HGF: variants seen among roughly 807,000 people sequenced by gnomAD.
The protein encoded by HGF is fibroblast-derived tumor cytotoxic factor.
HGF carries 39 observed loss-of-function variants against 111.6 expected under a neutral mutation model. The ratio of observed to expected loss-of-function variants is 0.35; its 90% CI spans 0.27 to 0.46. The LOEUF (loss-of-function observed/expected upper bound fraction) is 0.46. HGF is among the 20% of genes least tolerant of loss of function. The pLI, the probability that HGF is intolerant of heterozygous loss-of-function variation, is 1.00. For missense variants in HGF, 735 were observed against 910.5 expected, an observed-to-expected ratio of 0.81 and a Z score of 2.48; for synonymous variants, 285 against 294.8, an observed-to-expected ratio of 0.97 and a Z score of 0.34.
At chr7:81,763,165 G>T (rs1226310075) in intron 1 of HGF, among the ~76,000 whole-genome samples, 1 of 152,084 alleles carries the variant, frequency 6.6e-6, no homozygotes, top group African/African-American at 2.4e-5. Context: ...TAAATAACAT[G>T]ATATTTTCCA....
At chr7:81,764,790 T>A (rs1789277810) in intron 1 of HGF, among the ~76,000 whole-genome samples, 1 of 152,072 alleles carries the variant, frequency 6.6e-6, no homozygotes, top group African/African-American at 2.4e-5. Flanking sequence ...TTTCAAATTT[T>A]GATTTCTGTC....
At chr7:81,758,569 T>G (rs1443250554) in intron 3 of HGF, 123 bp downstream of exon 3, 1 of 673,002 alleles carries the variant, frequency 1.5e-6, no homozygotes, top group African/African-American at 1.8e-5. Flanking sequence ...ATGAATTGAC[T>G]ACATAAAATA....
chr7:81,769,401 A>G (rs896013218), intron 1 of HGF, among the ~76,000 whole-genome samples: 2 of 152,224 alleles, frequency 1.3e-5, no homozygotes. Context: ...CCTCAAAATG[A>G]AAACCTGTAC....
At chr7:81,757,128 T>C in intron 4 of HGF, 61 bp downstream of exon 4, 1 of 864,268 alleles carries the variant, frequency 1.2e-6, no homozygotes, top group Non-Finnish European at 2.0e-6. Flanking sequence ...AGGACTAATA[T>C]GAGACTGTTA....
intron 1 of HGF, among the ~76,000 whole-genome samples, chr7:81,766,690 C>T (rs1789374014): frequency 6.6e-6 from 1 of 152,158 alleles, no homozygotes; most frequent in Non-Finnish European, 1.5e-5. Context: ...TTTCTTCCTT[C>T]TCCTTTCCAG....
chr7:81,744,643 TTTG>T (rs1788154841), intron 6 of HGF, among the ~76,000 whole-genome samples: 1 of 152,110 alleles, frequency 6.6e-6, no homozygotes, highest in South Asian at 2.1e-4. Flanking sequence ...TTGCTTTGGT[TTTG>T]TTTTGTTTCT....
intron 5 of HGF, chr7:81,750,981 A>G (rs1788469736): frequency 1.0e-6 from 1 of 964,712 alleles, no homozygotes; most frequent in East Asian, 1.1e-4. Context: ...TATGGAATGG[A>G]AAGTAAGAAT....
At chr7:81,744,872 G>A (rs747408616) in intron 6 of HGF, 128 bp downstream of exon 6, 1 of 1,053,852 alleles carries the variant, frequency 9.5e-7, no homozygotes, top group African/African-American at 1.6e-5. Context: ...CATTCTGGGA[G>A]TTCTAAATGT....
chr7:81,752,189 C>T lies in HGF; in HGVS notation c.556G>A (p.Gly186Arg), dbSNP rs745308839. The part of the protein sequence containing the change: ...YCRNPRGEEG[G>R]PWCFTSNPEV... The stretch of plus-strand genomic sequence containing the variant: ...GGATTGCTTGTGAAACACCAGGGTC[C>T]CCCTTCTTCCCCTCGAGGATTTCGA... The change falls in exon 5 of 18, where the codon GGA (glycine) becomes AGA (arginine). Residue 186 changes from glycine to arginine, a missense_variant. Transcript: ENST00000222390. 3 of 1,613,384 alleles carry T rather than the reference C, an allele frequency of 1.9e-6. No individual in the cohort carries two copies. The highest frequency in any genetic ancestry group is 1.3e-5 in the African/African-American group (1 of 74,872).
At chr7:81,704,859 G>T (rs1250917346) in intron 17 of HGF, among the ~76,000 whole-genome samples, 1 of 151,784 alleles carries the variant, frequency 6.6e-6, no homozygotes, top group African/African-American at 2.4e-5. Context: ...CCTCACAAAT[G>T]AAATGTCCAA....
chr7:81,720,686 A>C, intron 10 of HGF, 59 bp downstream of exon 10: 1 of 926,922 alleles, frequency 1.1e-6, no homozygotes, highest in Non-Finnish European at 1.8e-6. Context: ...TACATATCTA[A>C]ATACACAGTC....
chr7:81,727,616 T>C (rs1328887531), intron 8 of HGF, among the ~76,000 whole-genome samples: 2 of 152,186 alleles, frequency 1.3e-5, no homozygotes, highest in African/African-American at 2.4e-5. Flanking sequence ...ATATGTGTGT[T>C]AAATTTTACA....
At chr7:81,704,873 C>T (rs1418294520) in intron 17 of HGF, among the ~76,000 whole-genome samples, 1 of 151,740 alleles carries the variant, frequency 6.6e-6, no homozygotes, top group Non-Finnish European at 1.5e-5. Context: ...TGTCCAAGCT[C>T]GTAAAGTCAC....
chr7:81,725,895 C>G lies in HGF; in HGVS notation c.1163G>C (p.Gly388Ala). 1 of 1,614,048 alleles carries G rather than the reference C, an allele frequency of 6.2e-7. No homozygotes were observed. ...TGCAGAATGTCAGCTATTACCTTGT[C>G]CATGTGACATATCACAGTTTGGAAT... ...SQIPNCDMSHGQDCYRGNGKN... is the reference protein window; with the variant it reads ...SQIPNCDMSHAQDCYRGNGKN... The change falls in exon 9 of 18, where the codon GGA becomes GCA. Residue 388 changes from glycine (G) to alanine (A), a missense_variant. Around this residue, in one of 3 missense-constraint regions of HGF, gnomAD observed 553 missense variants for 685.6 expected, o/e 0.81. Coordinates refer to ENST00000222390, the MANE Select transcript of HGF (RefSeq NM_000601.6).
intron 7 of HGF, among the ~76,000 whole-genome samples, chr7:81,738,289 CTAATA>C (rs1478172911): frequency 3.9e-5 from 6 of 151,946 alleles, no homozygotes; most frequent in South Asian, 4.1e-4. Flanking sequence ...AAGCAGGAAA[CTAATA>C]TATAGAACCA....
intron 7 of HGF, among the ~76,000 whole-genome samples, chr7:81,741,938 C>CAAAAAA (rs71520767): frequency 2.2e-4 from 10 of 46,278 alleles, no homozygotes; most frequent in South Asian, 1.5e-3. Context: ...AACTCCATCT[C>CAAAAAA]AAAAAAAAAA....
intron 7 of HGF, among the ~76,000 whole-genome samples, chr7:81,737,813 T>C (rs1479201877): frequency 6.6e-6 from 1 of 152,174 alleles, no homozygotes; most frequent in African/African-American, 2.4e-5. Context: ...CATGGATTCA[T>C]ATAATCCACA....
chr7:81,720,615 C>T lies in HGF; in HGVS notation c.1271+130G>A, dbSNP rs1467404022. On this transcript the variant is annotated intron_variant, in intron 10 of 17. Transcript: ENST00000222390. ...TGTTATGATGAGTTGTAAAGAAAAA[C>T]CAATCTAATGCTTTTATTAGCTTAC... The T allele has an allele frequency of 6.0e-6, 4 of 664,022 alleles. No homozygotes were observed. In the East Asian group the frequency reaches 1.1e-4, roughly 18 times the overall value. The allele number at this position is 664,022 out of a possible 1,614,324, so 41.1% of individuals were successfully genotyped here.
intron 7 of HGF, among the ~76,000 whole-genome samples, chr7:81,738,839 G>T (rs1266934658): frequency 1.3e-5 from 2 of 152,094 alleles, no homozygotes; most frequent in African/African-American, 4.8e-5. Context: ...CTAGAAAAGT[G>T]TTTATTTGAC....
Sources: gnomAD v4.1 joint callset for allele counts (sites outside exome capture counted in the v4.1 genomes callset) on GRCh38, gnomAD v4.1.1 for gene constraint, gnomAD v4.1.1 regional missense constraint, MANE v1.5 for transcripts, NCBI Gene and HGNC (gene_info 2026-07-23, HGNC 2026-07-21) for gene names.